The following ATP11B variants were observed in gnomAD, a reference collection of about 807,000 sequenced individuals.
ATP11B encodes the protein phospholipid-transporting ATPase IF.
ATP11B carries 81 observed loss-of-function variants against 157.8 expected under a neutral mutation model. The observed-to-expected ratio is 0.51, with a 90% CI of 0.43 to 0.62. The LOEUF is 0.62. ATP11B is among the 20% of genes least tolerant of loss of function. The pLI is 0.00. For synonymous variants in ATP11B, 451 were observed against 469.4 expected, an observed-to-expected ratio of 0.96 and a Z score of 0.51; for missense variants, 1,165 against 1,402.2, an observed-to-expected ratio of 0.83 and a Z score of 2.70.
intron 23 of ATP11B, among the ~76,000 whole-genome samples, chr3:182,886,965 C>T (rs1722836018): frequency 6.6e-6 from 1 of 152,052 alleles, no homozygotes. Flanking sequence ...GAAAACTGAC[C>T]TATTTTGATT....
chr3:182,846,468 T>G (rs1175951159), intron 9 of ATP11B, among the ~76,000 whole-genome samples: 2 of 152,330 alleles, frequency 1.3e-5, no homozygotes, highest in South Asian at 2.1e-4. Flanking sequence ...GATCCCACAC[T>G]ACATATATAC....
At chr3:182,827,282 GTAA>G (rs1347848190) in intron 2 of ATP11B, among the ~76,000 whole-genome samples, 1 of 152,064 alleles carries the variant, frequency 6.6e-6, no homozygotes, top group Non-Finnish European at 1.5e-5. Flanking sequence ...TTTGAGCTGA[GTAA>G]TAATAATAAG....
rs757910723 is a variant in ATP11B at position 182,879,505 on chromosome 3, G to A, written c.2262G>A (p.Glu754=). 4 of 1,602,192 alleles carry A rather than the reference G, an allele frequency of 2.5e-6. No individual in the cohort carries two copies. The Admixed American group carries it at 7.1e-5, about 28-fold the overall frequency. Residue 754 remains glutamate, a synonymous_variant, in exon 20 of 30, where the codon GAG becomes GAA. Coordinates refer to ENST00000323116, the MANE Select transcript of ATP11B (RefSeq NM_014616.3). ...QLRQLARRIT[E]DHVIQHGLVV... ...TTATTTTCTCTTTTAGAATTACAGAGGATCATGTGATTCAGCATGGGCTGG... is the reference window on the plus strand; with the variant it reads ...TTATTTTCTCTTTTAGAATTACAGAAGATCATGTGATTCAGCATGGGCTGG...
intron 15 of ATP11B, among the ~76,000 whole-genome samples, chr3:182,868,739 T>C (rs1016529711): frequency 2.0e-5 from 3 of 152,186 alleles, no homozygotes; most frequent in African/African-American, 7.2e-5. Flanking sequence ...GCTCTGCCAC[T>C]CACAAGCTTA....
chr3:182,837,684 C>T (rs1404325419), intron 7 of ATP11B, among the ~76,000 whole-genome samples: 1 of 151,908 alleles, frequency 6.6e-6, no homozygotes, highest in Non-Finnish European at 1.5e-5. Flanking sequence ...CTATGAGTTT[C>T]TCAAAGACAG....
chr3:182,882,464 ATTAT>A (rs1251295734), intron 21 of ATP11B, among the ~76,000 whole-genome samples: 2 of 152,016 alleles, frequency 1.3e-5, no homozygotes, highest in African/African-American at 2.4e-5. Flanking sequence ...AGGAAAACAA[ATTAT>A]TTAGTAGAAA....
chr3:182,802,732 C>T (rs368223233), intron 1 of ATP11B, among the ~76,000 whole-genome samples: 1 of 152,156 alleles, frequency 6.6e-6, no homozygotes, highest in Non-Finnish European at 1.5e-5. Flanking sequence ...TTTCTCAGCA[C>T]TTAATGCTAT....
intron 21 of ATP11B, among the ~76,000 whole-genome samples, chr3:182,881,436 C>T (rs758859151): frequency 6.7e-6 from 1 of 149,380 alleles, no homozygotes; most frequent in Non-Finnish European, 1.5e-5. Flanking sequence ...TGCAGTGAGC[C>T]GAGGCTGAGG....
At chr3:182,903,872 C>A (rs1724144304) in intron 28 of ATP11B, among the ~76,000 whole-genome samples, 1 of 152,112 alleles carries the variant, frequency 6.6e-6, no homozygotes, top group African/African-American at 2.4e-5. Flanking sequence ...CGTATTGTGA[C>A]TAATTATATT....
chr3:182,872,971 C>A (rs1721774195), intron 18 of ATP11B, among the ~76,000 whole-genome samples: 1 of 152,166 alleles, frequency 6.6e-6, no homozygotes, highest in Non-Finnish European at 1.5e-5. Context: ...CTTCACCATC[C>A]CTCTGTGACT....
chr3:182,825,980 C>A (rs1330602013), intron 2 of ATP11B, among the ~76,000 whole-genome samples: 1 of 152,036 alleles, frequency 6.6e-6, no homozygotes, highest in Non-Finnish European at 1.5e-5. Flanking sequence ...AAAATAAGGT[C>A]AATTATAAAG....
chr3:182,901,011 C>T (rs1017063974), intron 28 of ATP11B, among the ~76,000 whole-genome samples: 4 of 151,966 alleles, frequency 2.6e-5, no homozygotes, highest in South Asian at 2.1e-4. Context: ...GAAACACCGT[C>T]TCTACTAAAA....
At chr3:182,838,552 T>C (rs1718743337) in intron 7 of ATP11B, among the ~76,000 whole-genome samples, 1 of 152,082 alleles carries the variant, frequency 6.6e-6, no homozygotes, top group Non-Finnish European at 1.5e-5. Flanking sequence ...GCTTTTATAG[T>C]AGAAAGAAAA....
At chr3:182,836,216 G>GT (rs1718539801) in intron 5 of ATP11B, 74 bp downstream of exon 5, 1 of 1,561,904 alleles carries the variant, frequency 6.4e-7, no homozygotes, top group African/African-American at 1.4e-5. Context: ...TTGATATTAC[G>GT]TTTTAGTTAA....
At chr3:182,818,910 A>G (rs550292448) in intron 1 of ATP11B, among the ~76,000 whole-genome samples, 3 of 148,136 alleles carry the variant, frequency 2.0e-5, no homozygotes, top group Non-Finnish European at 3.0e-5. Context: ...GCCCATGACC[A>G]CTATGTAAAA....
At chr3:182,825,910 A>G (rs1362150586) in intron 2 of ATP11B, among the ~76,000 whole-genome samples, 1 of 152,134 alleles carries the variant, frequency 6.6e-6, no homozygotes, top group Non-Finnish European at 1.5e-5. Flanking sequence ...AAAAAATAAA[A>G]TAAAATAACC....
Position 182,866,258 on chromosome 3 carries a change from A to AT in ATP11B, c.1444-5dup, listed in dbSNP as rs745499157. 3 of 1,515,828 alleles carry AT rather than the reference A, an allele frequency of 2.0e-6. No individual in the cohort carries two copies. In the African/African-American group the frequency reaches 4.2e-5, roughly 21 times the overall value. 93.9% of individuals were successfully genotyped at this position (1,515,828 alleles called of 1,614,324 possible). On this transcript the variant is annotated splice_polypyrimidine_tract_variant and intron_variant, in intron 13 of 29. Coordinates refer to ENST00000323116, the MANE Select transcript of ATP11B (RefSeq NM_014616.3). ...TATTTTTATCATGAATATTAATTAC[A>AT]TTTTTACAGATTAAAGAACATGATC...
At chr3:182,866,142 C>T in intron 13 of ATP11B, 126 bp from the exon 14 acceptor site, 1 of 680,326 alleles carries the variant, frequency 1.5e-6, no homozygotes, top group South Asian at 3.5e-5. Flanking sequence ...GCAGAAACAA[C>T]CAACTGTTAT....
chr3:182,848,584 T>G, intron 10 of ATP11B, 27 bp downstream of exon 10: 1 of 1,326,416 alleles, frequency 7.5e-7, no homozygotes, highest in Non-Finnish European at 1.0e-6. Context: ...CATTTATTTA[T>G]ATGTAATTAT....
Sources: gnomAD v4.1 joint callset for allele counts (sites outside exome capture counted in the v4.1 genomes callset) on GRCh38, gnomAD v4.1.1 for gene constraint, MANE v1.5 for transcripts, NCBI Gene and HGNC (gene_info 2026-07-23, HGNC 2026-07-21) for gene names.